ACOXL: variants seen among roughly 807,000 people sequenced by gnomAD.
ACOXL encodes acyl-CoA oxidase like.
In ACOXL, 70 loss-of-function variants were observed where a neutral mutation model predicts 71.9. That is an observed-to-expected ratio of 0.97 (90% CI 0.80 to 1.19). The LOEUF is 1.19. Among genes scored for constraint, ACOXL ranks in the 50% most tolerant of loss-of-function variants. ACOXL has a pLI of 0.00. For synonymous variants in ACOXL, 253 were observed against 281.6 expected (o/e 0.90, Z 1.02); for missense variants, 703 against 736.3 (o/e 0.95, Z 0.52).
chr2:111,049,853 G>T (rs942100978), intron 16 of ACOXL, among the ~76,000 whole-genome samples: 1 of 150,610 alleles, frequency 6.6e-6, no homozygotes, highest in African/African-American at 2.5e-5. Context: ...AGGAGCAGAG[G>T]CATTTCCAAA....
At chr2:110,737,556 T>C (rs1464348330) in intron 1 of ACOXL, among the ~76,000 whole-genome samples, 1 of 152,186 alleles carries the variant, frequency 6.6e-6, no homozygotes, top group Non-Finnish European at 1.5e-5. Flanking sequence ...GAGATAATTG[T>C]CTCCTTTATC....
At chr2:111,026,276 C>T (rs2065012885) in intron 14 of ACOXL, among the ~76,000 whole-genome samples, 1 of 152,082 alleles carries the variant, frequency 6.6e-6, no homozygotes. Flanking sequence ...TTCTAATTAG[C>T]TTGTATGGTT....
intron 1 of ACOXL, among the ~76,000 whole-genome samples, chr2:110,752,460 A>T (rs557919144): frequency 6.6e-6 from 1 of 152,086 alleles, no homozygotes; most frequent in African/African-American, 2.4e-5. Context: ...CTCAAAATAA[A>T]TAAATAAAAG....
intron 16 of ACOXL, among the ~76,000 whole-genome samples, chr2:111,090,965 C>CCAAA (rs1241148294): frequency 3.9e-5 from 6 of 152,138 alleles, no homozygotes; most frequent in Non-Finnish European, 8.8e-5. Flanking sequence ...GGTTTGGAGT[C>CCAAA]TTTGAAGAGG....
chr2:111,026,060 A>C (rs1047717226), intron 14 of ACOXL, among the ~76,000 whole-genome samples: 18 of 152,216 alleles, frequency 1.2e-4, no homozygotes, highest in African/African-American at 4.3e-4. Context: ...GTAGAAAATC[A>C]GTAGACCATA....
At position 110,879,870 on chromosome 2, in the gene ACOXL, C is replaced by T. The variant is rs551737701; in HGVS notation, c.789-28919C>T. Among the ~76,000 whole-genome samples, 24 of 152,054 alleles carry T rather than the reference C, an allele frequency of 1.6e-4. No individual in the cohort carries two copies. In the South Asian group the frequency reaches 4.4e-3, roughly 28 times the overall value. On this transcript the variant is annotated intron_variant, in intron 10 of 17. Transcript: ENST00000439055. ...AGATTGAAAGGAAAAAAGGGCTGGG[C>T]GTGGTGGGTCATGCCTGTAACCCCA...
chr2:110,891,631 T>A (rs188787064), intron 10 of ACOXL, among the ~76,000 whole-genome samples: 1 of 152,198 alleles, frequency 6.6e-6, no homozygotes, highest in African/African-American at 2.4e-5. Flanking sequence ...TAGATCTTCC[T>A]CCATTTGCTG....
At chr2:110,914,629 A>AT (rs1326469775) in intron 11 of ACOXL, among the ~76,000 whole-genome samples, 19 of 152,100 alleles carry the variant, frequency 1.2e-4, no homozygotes, top group African/African-American at 4.6e-4. Flanking sequence ...AGTTTTACTT[A>AT]TTTTTTCCAA....
intron 17 of ACOXL, among the ~76,000 whole-genome samples, chr2:111,106,682 C>T (rs930943204): frequency 2.6e-5 from 4 of 152,180 alleles, no homozygotes; most frequent in Non-Finnish European, 5.9e-5. Flanking sequence ...TTTCCTCTAA[C>T]ACTGTTCCAG....
chr2:110,820,154 AGCCTGT>A (rs2105505954), intron 9 of ACOXL, among the ~76,000 whole-genome samples: 1 of 152,282 alleles, frequency 6.6e-6, no homozygotes, highest in Non-Finnish European at 1.5e-5. Flanking sequence ...GTGGGACCAT[AGCCTGT>A]GCCTGGTGCT....
intron 10 of ACOXL, among the ~76,000 whole-genome samples, chr2:110,868,029 G>A (rs368134496): frequency 5.1e-4 from 78 of 152,322 alleles, no homozygotes; most frequent in African/African-American, 1.8e-3. Context: ...CCAAAGTGCT[G>A]GGATTACAGG....
intron 9 of ACOXL, among the ~76,000 whole-genome samples, chr2:110,809,865 C>T (rs1325186254): frequency 1.3e-5 from 2 of 152,158 alleles, no homozygotes; most frequent in Non-Finnish European, 2.9e-5. Flanking sequence ...CTCTGTGGGC[C>T]TGTGCTGTGT....
At chr2:110,749,949 T>C (rs1231657095) in intron 1 of ACOXL, among the ~76,000 whole-genome samples, 2 of 152,200 alleles carry the variant, frequency 1.3e-5, no homozygotes, top group Non-Finnish European at 2.9e-5. Flanking sequence ...TTGTCAAATG[T>C]CTCTCAATTT....
chr2:110,818,451 G>GTA lies in ACOXL; in HGVS notation c.753+13070_753+13071dup, dbSNP rs755048740. 2.2e-3 allele frequency among the ~76,000 whole-genome samples: 300 copies of GTA among 135,818 alleles called. 3 individuals are homozygous for GTA. The highest frequency in any genetic ancestry group is 7.5e-3 in the African/African-American group (270 of 35,858). The allele number at this position is 135,818 out of a possible 152,430, so 89.1% of individuals were successfully genotyped here. On this transcript the variant is annotated intron_variant, in intron 9 of 17. Coordinates refer to ENST00000439055, the MANE Select transcript of ACOXL (RefSeq NM_001142807.4). ...TGTGTGTGTGTGTGTGTGTGTGTGT[G>GTA]TATATATATATATATGTATATGTGT...
intron 1 of ACOXL, among the ~76,000 whole-genome samples, chr2:110,738,383 A>C (rs972518787): frequency 1.3e-5 from 2 of 152,206 alleles, no homozygotes; most frequent in African/African-American, 2.4e-5. Context: ...TAGCTTCCTA[A>C]GAGAGGGTAC....
At chr2:110,854,320 G>A (rs536843385) in intron 10 of ACOXL, among the ~76,000 whole-genome samples, 8 of 152,238 alleles carry the variant, frequency 5.3e-5, no homozygotes, top group Non-Finnish European at 7.4e-5. Context: ...CTTTGTGATC[G>A]TCCAGGCAGA....
intron 16 of ACOXL, among the ~76,000 whole-genome samples, chr2:111,062,270 T>C (rs1574642553): frequency 6.6e-6 from 1 of 150,418 alleles, no homozygotes; most frequent in Non-Finnish European, 1.5e-5. Flanking sequence ...ACCAAGAAGA[T>C]AGGGCACTGC....
intron 14 of ACOXL, among the ~76,000 whole-genome samples, chr2:111,022,585 G>A (rs2064818275): frequency 6.6e-6 from 1 of 152,120 alleles, no homozygotes; most frequent in African/African-American, 2.4e-5. Flanking sequence ...ATACCCCCAA[G>A]GCAAGCAATG....
At chr2:111,097,982 G>A (rs1200037302) in intron 17 of ACOXL, among the ~76,000 whole-genome samples, 3 of 152,172 alleles carry the variant, frequency 2.0e-5, no homozygotes, top group Admixed American at 6.5e-5. Context: ...ATGGAAGAGA[G>A]AAATACTTAT....
Sources: gnomAD v4.1 joint callset for allele counts (sites outside exome capture counted in the v4.1 genomes callset) on GRCh38, gnomAD v4.1.1 for gene constraint, MANE v1.5 for transcripts, NCBI Gene and HGNC (gene_info 2026-07-23, HGNC 2026-07-21) for gene names.